Variants in RTF1 observed in about 807,000 individuals in gnomAD.
The protein encoded by RTF1 is RTF1 homolog, Paf1/RNA polymerase II complex component.
RTF1 carries 10 observed loss-of-function variants against 95.7 expected under a neutral mutation model. The observed-to-expected ratio is 0.10, with a 90% CI of 0.06 to 0.18. RTF1 has a LOEUF of 0.18. Ranked by LOEUF, RTF1 falls within the 10% of genes least tolerant of loss-of-function variation. The pLI, the probability that RTF1 is intolerant of heterozygous loss-of-function variation, is 1.00. For synonymous variants in RTF1, 305 were observed against 311.8 expected, an observed-to-expected ratio of 0.98 and a Z score of 0.23; for missense variants, 458 against 875.6, an observed-to-expected ratio of 0.52 and a Z score of 6.02.
chr15:41,433,835 C>T (rs2050687840), intron 1 of RTF1, among the ~76,000 whole-genome samples: 1 of 148,550 alleles, frequency 6.7e-6, no homozygotes, highest in South Asian at 2.1e-4. Flanking sequence ...TTGTTGTTTG[C>T]TACCACACTT....
rs962804489 is a variant in RTF1 at position 41,481,089 on chromosome 15, T to TG, written c.*404dup. 1.1e-4 allele frequency: 19 copies of TG among 165,678 alleles called. No homozygotes were observed. Among genetic ancestry groups the TG allele is most frequent in the South Asian group, 3.4e-4 (2 of 5,944 alleles). The allele number at this position is 165,678 out of a possible 1,614,324, so 10.3% of individuals were successfully genotyped here. A position where few individuals can be genotyped will look rare whatever the true frequency, so the allele number is the denominator to read the frequency against. ...AGGCGGTCTCCTCTACAGACTGCCT[T>TG]GGCCCACCCATTGAACATTCGGCAC... On this transcript the variant is annotated 3_prime_UTR_variant, in exon 18 of 18. Transcript: ENST00000389629.
At position 41,480,596 on chromosome 15, in the gene RTF1, C is replaced by T. The variant is rs766020815; in HGVS notation, c.2042C>T (p.Ala681Val). 1.2e-6 allele frequency: 2 copies of T among 1,613,856 alleles called. No individual in the cohort carries two copies. Among genetic ancestry groups the T allele is most frequent in the Admixed American group, 1.7e-5 (1 of 60,020 alleles). Residue 681 changes from alanine (A) to valine (V), a missense_variant, in exon 18 of 18, where the codon GCC (alanine) becomes GTC (valine). Physicochemically the swap from Ala to Val is moderately conservative, Grantham distance 64 (BLOSUM62 0). This residue lies in a region of RTF1 where 50 missense variants were observed against 100.0 expected (regional missense o/e 0.50). Transcript: ENST00000389629. ...TTTCCCACAGAGTCAAAGGCTTTAG[C>T]CATCACCTCCAAGGCTCCGCCAGCC... ...QVPSSESKALAITSKAPPAKD... is the reference protein window; with the variant it reads ...QVPSSESKALVITSKAPPAKD...
chr15:41,463,066 T>C (rs929121224), intron 4 of RTF1, among the ~76,000 whole-genome samples: 9 of 152,236 alleles, frequency 5.9e-5, no homozygotes, highest in African/African-American at 1.9e-4. Context: ...GGATATTTTA[T>C]ATAAATGAAA....
At chr15:41,479,702 A>C (rs2050960566) in intron 16 of RTF1, among the ~76,000 whole-genome samples, 1 of 152,030 alleles carries the variant, frequency 6.6e-6, no homozygotes, top group South Asian at 2.1e-4. Context: ...CTCTACTAAA[A>C]ATAGAAAAAA....
Position 41,480,724 on chromosome 15 carries a change from C to T in RTF1, c.*37C>T. On this transcript the variant is annotated 3_prime_UTR_variant, in exon 18 of 18. Transcript: ENST00000389629. ...CTGCTGCTTCTGACCCTGCATGCCCCATCGCAGCGTCCCACCTTTCCTCCT... is the reference window on the plus strand; with the variant it reads ...CTGCTGCTTCTGACCCTGCATGCCCTATCGCAGCGTCCCACCTTTCCTCCT... The T allele has an allele frequency of 1.4e-6, 2 of 1,411,406 alleles. No individual in the cohort carries two copies. Among genetic ancestry groups the T allele is most frequent in the Non-Finnish European group, 2.0e-6 (2 of 995,490 alleles). 87.4% of individuals were successfully genotyped at this position (1,411,406 alleles called of 1,614,324 possible).
At chr15:41,449,946 C>T (rs577109215) in intron 2 of RTF1, among the ~76,000 whole-genome samples, 1 of 151,902 alleles carries the variant, frequency 6.6e-6, no homozygotes, top group Non-Finnish European at 1.5e-5. Flanking sequence ...CTTGTAATCC[C>T]AGAATTTGGG....
At chr15:41,425,501 C>T (rs1311296682) in intron 1 of RTF1, among the ~76,000 whole-genome samples, 5 of 152,090 alleles carry the variant, frequency 3.3e-5, no homozygotes, top group Non-Finnish European at 7.4e-5. Context: ...TCAGATTTGC[C>T]TTACCCAGAC....
At position 41,481,658 on chromosome 15, in the gene RTF1, G is replaced by A. The variant is rs138308293; in HGVS notation, c.*971G>A. On this transcript the variant is annotated 3_prime_UTR_variant, in exon 18 of 18. Transcript: ENST00000389629. ...ACAGCCCACAGCTTCTTGGCTGAAC[G>A]TAGAACTTCTTTTTCTCACCCAGTA... 2 of 152,652 alleles carry A rather than the reference G, an allele frequency of 1.3e-5. No homozygotes were observed. Among genetic ancestry groups the A allele is most frequent in the East Asian group, 1.9e-4 (1 of 5,186 alleles). 9.5% of individuals were successfully genotyped at this position (152,652 alleles called of 1,614,324 possible).
chr15:41,466,331 T>C (rs961232462), intron 6 of RTF1, 79 bp downstream of exon 6: 7 of 899,006 alleles, frequency 7.8e-6, no homozygotes, highest in Non-Finnish European at 9.8e-6. Context: ...TTTGCCCTCT[T>C]GTTATATCTT....
At chr15:41,444,244 C>G (rs1460439967) in intron 2 of RTF1, among the ~76,000 whole-genome samples, 1 of 151,756 alleles carries the variant, frequency 6.6e-6, no homozygotes, top group African/African-American at 2.4e-5. Context: ...GCACTCCAAC[C>G]TGGGCAACAG....
At chr15:41,449,493 A>AT (rs2050780005) in intron 2 of RTF1, among the ~76,000 whole-genome samples, 1 of 151,990 alleles carries the variant, frequency 6.6e-6, no homozygotes, top group Admixed American at 6.6e-5. Context: ...GCAGCAGGTG[A>AT]TTTTTTAAAT....
chr15:41,418,575 T>C (rs776327121), intron 1 of RTF1, among the ~76,000 whole-genome samples: 39 of 152,074 alleles, frequency 2.6e-4, no homozygotes, highest in Non-Finnish European at 4.7e-4. Flanking sequence ...CCCAGCACTT[T>C]GGGAGGCCAA....
At chr15:41,426,543 G>C (rs1232469130) in intron 1 of RTF1, among the ~76,000 whole-genome samples, 1 of 151,896 alleles carries the variant, frequency 6.6e-6, no homozygotes, top group Non-Finnish European at 1.5e-5. Context: ...CAGACGTCAT[G>C]ATCTGCCCAC....
At chr15:41,468,653 C>G (rs2050894363) in intron 6 of RTF1, among the ~76,000 whole-genome samples, 1 of 152,092 alleles carries the variant, frequency 6.6e-6, no homozygotes, top group Non-Finnish European at 1.5e-5. Context: ...TAGTTACCCC[C>G]CAGGCACATT....
chr15:41,464,926 TG>T (rs2050872434), intron 5 of RTF1, 41 bp downstream of exon 5: 25 of 1,471,228 alleles, frequency 1.7e-5, no homozygotes, highest in Non-Finnish European at 2.1e-5. Flanking sequence ...AGAATAAACC[TG>T]TTTTGAGTGT....
At chr15:41,457,176 A>G (rs1229149140) in intron 3 of RTF1, among the ~76,000 whole-genome samples, 1 of 152,192 alleles carries the variant, frequency 6.6e-6, no homozygotes, top group Non-Finnish European at 1.5e-5. Flanking sequence ...CCAAGTCAGG[A>G]GGATTGCTTG....
chr15:41,483,329 G>A lies in RTF1; in HGVS notation c.*2642G>A, dbSNP rs961814704. The A allele has an allele frequency of 2.6e-5, 4 of 152,576 alleles. No individual in the cohort carries two copies. Among genetic ancestry groups the A allele is most frequent in the African/African-American group, 9.7e-5 (4 of 41,416 alleles). The allele number at this position is 152,576 out of a possible 1,614,324, so 9.5% of individuals were successfully genotyped here. A position where few individuals can be genotyped will look rare whatever the true frequency, so the allele number is the denominator to read the frequency against. ...CAGTGTTGAAGGGTGCAGCACCCAA[G>A]GTTGTTTTTATGCATTTTTTCAGTT... On this transcript the variant is annotated 3_prime_UTR_variant, in exon 18 of 18. Coordinates refer to ENST00000389629, the MANE Select transcript of RTF1 (RefSeq NM_015138.5).
In RTF1 at chr15:41,452,765, A is replaced by ATT. The variant is rs796429823; in HGVS notation, c.310-129_310-128dup. 67 of 689,600 alleles carry ATT rather than the reference A, an allele frequency of 9.7e-5. No individual in the cohort carries two copies. In the African/African-American group the frequency reaches 1.2e-3, roughly 12 times the overall value. The allele number at this position is 689,600 out of a possible 1,614,324, so 42.7% of individuals were successfully genotyped here. ...AAAATTTTTTTTTTCAAAAATCTGT[A>ATT]TTTTTTTTCATATGAAGTGTATTTG... On this transcript the variant is annotated intron_variant, in intron 2 of 17. Transcript: ENST00000389629.
rs772806709 is a variant in RTF1, at chr15:41,434,046, T to C, written c.199-4275T>C. On this transcript the variant is annotated intron_variant, in intron 1 of 17. Transcript: ENST00000389629. Reference sequence around the variant, plus strand: ...TTTTAGTAGAGATGCGGTTTCTCCATGTTGGTCAGGCTGGTCTCGAACTCC... The same window carrying C: ...TTTTAGTAGAGATGCGGTTTCTCCACGTTGGTCAGGCTGGTCTCGAACTCC... Among the ~76,000 whole-genome samples, 92 of 151,962 alleles carry C rather than the reference T, an allele frequency of 6.1e-4. 1 individual carries two copies. Among genetic ancestry groups the C allele is most frequent in the Admixed American group, 1.4e-3 (21 of 15,210 alleles).
Sources: allele counts gnomAD v4.1 joint callset (sites outside exome capture counted in the v4.1 genomes callset), GRCh38; gene constraint gnomAD v4.1.1; regional missense constraint gnomAD v4.1.1; transcripts MANE v1.5; gene names NCBI Gene and HGNC (gene_info 2026-07-23, HGNC 2026-07-21).